UNC13C: variants seen among roughly 807,000 people sequenced by gnomAD.
UNC13C encodes the protein unc-13 homolog C.
Under a neutral mutation model 245.4 loss-of-function variants are expected in UNC13C, and 174 were observed. The observed-to-expected ratio is 0.71, with a 90% CI of 0.63 to 0.80. The LOEUF (loss-of-function observed/expected upper bound fraction) is 0.80. Ranked by LOEUF, UNC13C falls within the 30% of genes least tolerant of loss-of-function variation. UNC13C has a pLI of 0.00. For synonymous variants in UNC13C, 992 were observed against 895.1 expected (o/e 1.11, Z -1.93); for missense variants, 2,829 against 2,602.9 (o/e 1.09, Z -1.89).
chr15:54,299,745 T>G (rs959874869), intron 12 of UNC13C, among the ~76,000 whole-genome samples: 4 of 152,152 alleles, frequency 2.6e-5, no homozygotes, highest in African/African-American at 9.7e-5. Context: ...CAGTGACACC[T>G]CTAACTAACC....
intron 17 of UNC13C, among the ~76,000 whole-genome samples, chr15:54,379,464 A>C (rs144297609): frequency 4.6e-4 from 70 of 152,198 alleles, no homozygotes; most frequent in African/African-American, 1.6e-3. Flanking sequence ...TTTTAATCTG[A>C]CTTTATTATA....
chr15:54,108,332 G>C (rs891001015), intron 2 of UNC13C, among the ~76,000 whole-genome samples: 1 of 151,942 alleles, frequency 6.6e-6, no homozygotes, highest in African/African-American at 2.4e-5. Context: ...GACTACAGGC[G>C]CCCGCCACCA....
At chr15:54,505,335 G>A (rs1052679766) in intron 22 of UNC13C, among the ~76,000 whole-genome samples, 7 of 152,270 alleles carry the variant, frequency 4.6e-5, no homozygotes, top group African/African-American at 1.4e-4. Flanking sequence ...CCATGCATTC[G>A]TTAAGATAGT....
At chr15:53,969,684 CAAAAAA>C in the UNC13C span, among the ~76,000 whole-genome samples, 179 of 95,884 alleles carry the variant, frequency 1.9e-3, 1 homozygote, top group East Asian at 0.015. Context: ...GGTGCTGTCT[CAAAAAA>C]AAAAAAAAAA....
chr15:54,034,455 T>C (rs1255802665), intron 2 of UNC13C, among the ~76,000 whole-genome samples: 2 of 152,200 alleles, frequency 1.3e-5, no homozygotes, highest in East Asian at 3.9e-4. Context: ...CTATTTGAAT[T>C]AGTGGTATTA....
At chr15:53,906,828 T>C in the UNC13C span, among the ~76,000 whole-genome samples, 1 of 152,140 alleles carries the variant, frequency 6.6e-6, no homozygotes, top group Non-Finnish European at 1.5e-5. Context: ...ATAATCATGG[T>C]GGAAGGCGAA....
At chr15:54,473,361 C>T (rs1482645606) in intron 19 of UNC13C, among the ~76,000 whole-genome samples, 1 of 151,852 alleles carries the variant, frequency 6.6e-6, no homozygotes, top group Non-Finnish European at 1.5e-5. Flanking sequence ...GTGTTAGGAA[C>T]AGTTCAAATC....
intron 13 of UNC13C, among the ~76,000 whole-genome samples, chr15:54,302,528 C>T (rs2037613588): frequency 6.6e-6 from 1 of 152,152 alleles, no homozygotes; most frequent in South Asian, 2.1e-4. Context: ...GTTTTCCCAA[C>T]ACCATTTATT....
chr15:54,050,492 T>C lies in UNC13C; in HGVS notation c.2983+34606T>C, dbSNP rs935030565. On this transcript the variant is annotated intron_variant, in intron 2 of 32. Transcript: ENST00000260323. ...ATCCAAGTCTTTGACCAAATTTTTA[T>C]TTGTCCACCTTCTCCAATTGTAACT... 3 of 533,464 alleles carry C rather than the reference T, an allele frequency of 5.6e-6. No homozygotes were observed. In the African/African-American group the frequency reaches 5.8e-5, roughly 10 times the overall value. The allele number at this position is 533,464 out of a possible 1,614,324, so 33.0% of individuals were successfully genotyped here.
chr15:54,601,158 T>C (rs1454102446), intron 30 of UNC13C, among the ~76,000 whole-genome samples: 6 of 152,170 alleles, frequency 3.9e-5, no homozygotes, highest in African/African-American at 1.2e-4. Flanking sequence ...ATTCTTTAGT[T>C]CCAAAGAACA....
chr15:53,919,881 CTT>C, the UNC13C span, among the ~76,000 whole-genome samples: 1 of 151,978 alleles, frequency 6.6e-6, no homozygotes, highest in Non-Finnish European at 1.5e-5. Flanking sequence ...AAATGATTCT[CTT>C]GATACAAGTA....
At chr15:54,194,221 T>G (rs1283521019) in intron 4 of UNC13C, among the ~76,000 whole-genome samples, 2 of 152,144 alleles carry the variant, frequency 1.3e-5, no homozygotes, top group Non-Finnish European at 2.9e-5. Context: ...ACTAGAGCAG[T>G]GATATGTACT....
At chr15:54,281,324 C>T (rs901225176) in intron 10 of UNC13C, among the ~76,000 whole-genome samples, 10 of 152,160 alleles carry the variant, frequency 6.6e-5, no homozygotes, top group Admixed American at 6.5e-4. Context: ...TCATACACTC[C>T]AGAAAAATGC....
the UNC13C span, among the ~76,000 whole-genome samples, chr15:53,965,390 T>G: frequency 6.6e-6 from 1 of 152,042 alleles, no homozygotes; most frequent in Non-Finnish European, 1.5e-5. Flanking sequence ...ACTTCATATA[T>G]TCACAATGAT....
At chr15:54,085,601 T>A (rs960108365) in intron 2 of UNC13C, among the ~76,000 whole-genome samples, 2 of 151,882 alleles carry the variant, frequency 1.3e-5, no homozygotes, top group African/African-American at 4.8e-5. Context: ...TTTTTTCCAA[T>A]AAAATTTTAT....
intron 4 of UNC13C, among the ~76,000 whole-genome samples, chr15:54,161,049 A>G (rs1482614474): frequency 1.3e-5 from 2 of 152,168 alleles, no homozygotes; most frequent in Non-Finnish European, 2.9e-5. Flanking sequence ...AGCTCAGTTG[A>G]TCTACAATGA....
In UNC13C at chr15:54,406,187, A is replaced by C. The variant is rs552922880; in HGVS notation, c.4848-8795A>C. On this transcript the variant is annotated intron_variant, in intron 18 of 32. Transcript: ENST00000260323. ...GTATATTTTGTGCTAGGTTCGACGA[A>C]AAGTGGAGAATTGCGGGGACGTGTA... 2.0e-5 allele frequency among the ~76,000 whole-genome samples: 3 copies of C among 152,330 alleles called. No individual in the cohort carries two copies. In the South Asian group the frequency reaches 6.2e-4, roughly 32 times the overall value.
chr15:54,116,885 T>C (rs889004828), intron 2 of UNC13C, among the ~76,000 whole-genome samples: 1 of 152,192 alleles, frequency 6.6e-6, no homozygotes, highest in Admixed American at 6.5e-5. Flanking sequence ...TTCACATTCT[T>C]ACCAGCAGTG....
intron 30 of UNC13C, among the ~76,000 whole-genome samples, chr15:54,608,812 T>G (rs1168686707): frequency 1.3e-5 from 2 of 152,234 alleles, no homozygotes; most frequent in African/African-American, 2.4e-5. Flanking sequence ...TTATTCATTC[T>G]GTTCATTACA....
Sources: allele counts gnomAD v4.1 joint callset (sites outside exome capture counted in the v4.1 genomes callset), GRCh38; gene constraint gnomAD v4.1.1; transcripts MANE v1.5; gene names NCBI Gene and HGNC (gene_info 2026-07-23, HGNC 2026-07-21).